The following EXOSC9 variants were observed in gnomAD, a reference collection of about 807,000 sequenced individuals.
EXOSC9 encodes exosome complex component RRP45.
EXOSC9 carries 38 observed loss-of-function variants against 56.5 expected under a neutral mutation model. The ratio of observed to expected loss-of-function variants is 0.67; its 90% confidence interval spans 0.52 to 0.88. EXOSC9 has a LOEUF of 0.88. Among genes scored for constraint, EXOSC9 ranks in the 40% least tolerant of loss-of-function variants. EXOSC9 has a pLI of 0.00. For synonymous variants in EXOSC9, 170 were observed against 170.8 expected, an observed-to-expected ratio of 0.99 and a Z score of 0.04; for missense variants, 559 against 530.5, an observed-to-expected ratio of 1.05 and a Z score of -0.53.
rs1560621895 is a variant in EXOSC9, at chr4:121,802,738, C to T, written c.226C>T (p.Leu76Phe). 2 of 1,613,476 alleles carry T rather than the reference C, an allele frequency of 1.2e-6. No individual in the cohort carries two copies. Among genetic ancestry groups the T allele is most frequent in the South Asian group, 2.2e-5 (2 of 91,060 alleles). The change falls in exon 3 of 12, where the codon CTT (leucine) becomes TTT (phenylalanine). Residue 76 changes from leucine to phenylalanine, a missense_variant. Leu to Phe is a conservative substitution (Grantham distance 22). Transcript: ENST00000243498. ...ACTCAATCGGGCAACAGAAGGTATTCTTTTTTTTAACCTTGAACTCTCTCA... is the reference window on the plus strand; with the variant it reads ...ACTCAATCGGGCAACAGAAGGTATTTTTTTTTTTAACCTTGAACTCTCTCA... ...PKLNRATEGILFFNLELSQMA... is the reference protein window; with the variant it reads ...PKLNRATEGIFFFNLELSQMA...
At chr4:121,812,034 T>A (rs910840771) in intron 8 of EXOSC9, among the ~76,000 whole-genome samples, 3 of 152,232 alleles carry the variant, frequency 2.0e-5, no homozygotes, top group African/African-American at 7.2e-5. Context: ...GGATAGTTGC[T>A]CCTTATTAAC....
Position 121,813,357 on chromosome 4 carries a change from T to A in EXOSC9, c.951T>A (p.Ala317=), listed in dbSNP as rs759813008. Residue 317 remains alanine (A), a synonymous_variant, in exon 9 of 12, where the codon GCT becomes GCA. Coordinates refer to ENST00000243498, the MANE Select transcript of EXOSC9 (RefSeq NM_005033.3). ...DVEEKAEEII[A]EAEPPSEVVS... is the part of the protein sequence containing the mutation. ...AAGAAAAAGCAGAAGAAATCATTGC[T>A]GAAGCAGAACCTCCTTCAGAAGTGT... 3.1e-6 allele frequency: 5 copies of A among 1,613,404 alleles called. No homozygotes were observed. The Admixed American group carries it at 8.4e-5, about 27-fold the overall frequency.
At chr4:121,801,756 C>A in intron 1 of EXOSC9, 71 bp from the exon 2 acceptor site, 1 of 1,339,850 alleles carries the variant, frequency 7.5e-7, no homozygotes, top group Non-Finnish European at 1.1e-6. Flanking sequence ...TAGCCCAGGG[C>A]CAGACAAAAA....
intron 7 of EXOSC9, among the ~76,000 whole-genome samples, chr4:121,810,607 G>A (rs1192140126): frequency 6.6e-6 from 1 of 152,072 alleles, no homozygotes; most frequent in Admixed American, 6.6e-5. Flanking sequence ...GCTTGAATCC[G>A]GGAGGCAGAG....
chr4:121,801,637 T>G (rs890226925), intron 1 of EXOSC9, 147 bp downstream of exon 1: 2 of 834,588 alleles, frequency 2.4e-6, no homozygotes, highest in African/African-American at 3.4e-5. Context: ...TTTATTTTTT[T>G]TCGACAGGTT....
Position 121,810,094 on chromosome 4 carries a change from G to T in EXOSC9, c.733G>T (p.Asp245Tyr). ...QSSGGIMLLK[D>Y]QVLRCSKIAG... ...CAGTGGTGGGATAATGCTACTAAAAGATCAAGTTAGTGCTTTGATTAATGT... is the reference window on the plus strand; with the variant it reads ...CAGTGGTGGGATAATGCTACTAAAATATCAAGTTAGTGCTTTGATTAATGT... Residue 245 changes from aspartate (D) to tyrosine (Y), a missense_variant, in exon 7 of 12, where the codon GAT becomes TAT. Transcript: ENST00000243498. The T allele has an allele frequency of 6.2e-7, 1 of 1,613,170 alleles. No homozygotes were observed. Among genetic ancestry groups the T allele is most frequent in the South Asian group, 1.1e-5 (1 of 91,002 alleles).
chr4:121,808,385 G>T (rs1384042150), intron 6 of EXOSC9, among the ~76,000 whole-genome samples: 1 of 152,028 alleles, frequency 6.6e-6, no homozygotes. Context: ...TTTGAGATGA[G>T]GTCTGGCTTT....
In EXOSC9 at chr4:121,816,976, G is replaced by GT. The variant is rs1724544863; in HGVS notation, c.*126dup. 5.7e-6 allele frequency: 6 copies of GT among 1,055,688 alleles called. No homozygotes were observed. The highest frequency in any genetic ancestry group is 2.2e-5 in the South Asian group (1 of 45,998). 65.4% of individuals were successfully genotyped at this position (1,055,688 alleles called of 1,614,324 possible). A position where few individuals can be genotyped will look rare whatever the true frequency, so the allele number is the denominator to read the frequency against. On this transcript the variant is annotated 3_prime_UTR_variant, in exon 12 of 12. Coordinates refer to ENST00000243498, the MANE Select transcript of EXOSC9 (RefSeq NM_005033.3). ...AAAATCTAGCAGGATTTTAAAAATA[G>GT]TTTTTTGTTTTTAATGTGCTTTAAA...
rs764758041 is a variant in EXOSC9, at chr4:121,802,785, A to T, written c.273A>T (p.Glu91Asp). ...ELSQMAAPAF[E>D]PGRQSDLLVK... ...CTCAGATGGCCGCTCCAGCTTTCGA[A>T]CCTGGCAGGTATTTAAATCTTTTTC... The change falls in exon 3 of 12, where the codon GAA (glutamate) becomes GAT (aspartate). Residue 91 changes from glutamate to aspartate, a missense_variant. Transcript: ENST00000243498. 2 of 1,613,842 alleles carry T rather than the reference A, an allele frequency of 1.2e-6. No homozygotes were observed. The highest frequency in any genetic ancestry group is 1.7e-5 in the Admixed American group (1 of 59,948).
intron 5 of EXOSC9, among the ~76,000 whole-genome samples, chr4:121,806,430 A>G (rs1727024669): frequency 6.6e-6 from 1 of 151,958 alleles, no homozygotes; most frequent in South Asian, 2.1e-4. Context: ...GACGTGAGCC[A>G]CTGCCCCCAG....
chr4:121,813,321 C>T lies in EXOSC9; in HGVS notation c.915C>T (p.Thr305=), dbSNP rs769324862. Residue 305 remains threonine (T), a synonymous_variant, in exon 9 of 12, where the codon ACC becomes ACT. Transcript: ENST00000243498. The part of the protein sequence containing the change: ...AFKMEKAPID[T]SDVEEKAEEI... ...AAATGGAAAAGGCCCCTATTGATACCTCGGATGTAGAAGAAAAAGCAGAAG... is the reference window on the plus strand; with the variant it reads ...AAATGGAAAAGGCCCCTATTGATACTTCGGATGTAGAAGAAAAAGCAGAAG... 1.5e-4 allele frequency: 245 copies of T among 1,613,492 alleles called. 2 individuals are homozygous for T. The East Asian group carries it at 5.4e-3, about 35-fold the overall frequency.
At chr4:121,802,833 G>A (rs759945384) in intron 3 of EXOSC9, 40 bp downstream of exon 3, 53 of 1,612,938 alleles carry the variant, frequency 3.3e-5, no homozygotes, top group Non-Finnish European at 4.2e-5. Flanking sequence ...AGTCATAGGA[G>A]AACCTAACAG....
At chr4:121,803,696 C>T (rs866559855) in intron 4 of EXOSC9, among the ~76,000 whole-genome samples, 3 of 152,112 alleles carry the variant, frequency 2.0e-5, no homozygotes, top group South Asian at 2.1e-4. Flanking sequence ...CCTGCCACCA[C>T]GCCCGGCTAA....
chr4:121,813,391 T>G lies in EXOSC9; in HGVS notation c.974+11T>G. The G allele has an allele frequency of 1.9e-6, 3 of 1,609,702 alleles. No individual in the cohort carries two copies. Among genetic ancestry groups the G allele is most frequent in the Non-Finnish European group, 2.5e-6 (3 of 1,178,240 alleles). On this transcript the variant is annotated intron_variant, in intron 9 of 11. Transcript: ENST00000243498. ...ACCTCCTTCAGAAGTGTATCTTTAT[T>G]TGGTGGTTTTTGCAGTAACAAGATT... is the stretch of plus-strand genomic sequence containing the variant.
intron 4 of EXOSC9, among the ~76,000 whole-genome samples, chr4:121,803,665 G>C (rs1250769188): frequency 6.6e-6 from 1 of 151,890 alleles, no homozygotes. Context: ...TCAGCTTTCC[G>C]AGCAGCTGGA....
At chr4:121,812,050 T>G (rs1419506955) in intron 8 of EXOSC9, among the ~76,000 whole-genome samples, 1 of 152,216 alleles carries the variant, frequency 6.6e-6, no homozygotes, top group Non-Finnish European at 1.5e-5. Context: ...TTAACACTGC[T>G]AAAATTAGGT....
chr4:121,803,926 TC>T (rs1455402241), intron 4 of EXOSC9, among the ~76,000 whole-genome samples: 1 of 152,182 alleles, frequency 6.6e-6, no homozygotes, highest in African/African-American at 2.4e-5. Flanking sequence ...GCATAATACT[TC>T]CTATTTGCAT....
intron 8 of EXOSC9, 95 bp downstream of exon 8, chr4:121,811,766 C>A: frequency 1.9e-6 from 1 of 515,644 alleles, no homozygotes. Flanking sequence ...TATGCATGAA[C>A]TTGATTTCAC....
In EXOSC9 at chr4:121,813,948, T is replaced by C; in HGVS notation, c.1057T>C (p.Ser353Pro). 1.9e-6 allele frequency: 3 copies of C among 1,613,622 alleles called. No homozygotes were observed. Among genetic ancestry groups the C allele is most frequent in the Non-Finnish European group, 2.5e-6 (3 of 1,179,610 alleles). The change falls in exon 10 of 12, where the codon TCT (serine) becomes CCT (proline). Residue 353 changes from serine (S) to proline (P), a missense_variant. Physicochemically the swap from Ser to Pro is moderately conservative, Grantham distance 74. Transcript: ENST00000243498. ...AAACTCCTGGGGTGATCTTGAAGAC[T>C]CTGAGAAGGAAGATGATGAAGGCGG... ...VENSWGDLED[S>P]EKEDDEGGGD...
Sources: allele counts gnomAD v4.1 joint callset (sites outside exome capture counted in the v4.1 genomes callset), GRCh38; gene constraint gnomAD v4.1.1; transcripts MANE v1.5; gene names NCBI Gene and HGNC (gene_info 2026-07-23, HGNC 2026-07-21).